ARHGEF28: variants seen among roughly 807,000 people sequenced by gnomAD.
ARHGEF28 encodes 190 kDa guanine nucleotide exchange factor.
ARHGEF28 carries 152 observed loss-of-function variants against 206.6 expected under a neutral mutation model. The ratio of observed to expected loss-of-function variants is 0.74; its 90% CI spans 0.64 to 0.84. The LOEUF (loss-of-function observed/expected upper bound fraction) is 0.84. Ranked by LOEUF, ARHGEF28 falls within the 40% of genes least tolerant of loss-of-function variation. The probability of loss-of-function intolerance (pLI) is 0.00; values close to 1 mark genes in which losing one functional copy is unlikely to be tolerated. For synonymous variants in ARHGEF28, 763 were observed against 776.4 expected, an observed-to-expected ratio of 0.98 and a Z score of 0.29; for missense variants, 2,028 against 2,073.2, an observed-to-expected ratio of 0.98 and a Z score of 0.42.
At chr5:73,682,502 C>T (rs1333790920) in intron 1 of ARHGEF28, among the ~76,000 whole-genome samples, 1 of 151,892 alleles carries the variant, frequency 6.6e-6, no homozygotes, top group Non-Finnish European at 1.5e-5. Context: ...ATTGCAACCC[C>T]TGCCTCCTGG....
Position 73,840,481 on chromosome 5 carries a change from T to G in ARHGEF28, c.1148T>G (p.Val383Gly). 6.2e-7 allele frequency: 1 copy of G among 1,610,188 alleles called. No individual in the cohort carries two copies. Among genetic ancestry groups the G allele is most frequent in the Non-Finnish European group, 8.5e-7 (1 of 1,177,206 alleles). The part of the protein sequence containing the change: ...VYANCMVIDQ[V>G]GDLDISYINI... ...AAATGTTTTTCTTTCAACTTCCAGG[T>G]TGGTGATTTGGATATCAGCTATATT... is the stretch of plus-strand genomic sequence containing the variant. The change falls in exon 11 of 36, where the codon GTT becomes GGT. Residue 383 changes from valine to glycine, a missense_variant and splice_region_variant. By Grantham distance (109) the Val-to-Gly change is moderately radical. Coordinates refer to ENST00000513042, the MANE Select transcript of ARHGEF28 (RefSeq NM_001177693.2).
At chr5:73,724,061 G>A (rs556769208) in intron 2 of ARHGEF28, among the ~76,000 whole-genome samples, 3 of 152,210 alleles carry the variant, frequency 2.0e-5, no homozygotes, top group Non-Finnish European at 4.4e-5. Flanking sequence ...TCCCAGGCAG[G>A]CCTGAGCATC....
intron 1 of ARHGEF28, among the ~76,000 whole-genome samples, chr5:73,671,151 T>A (rs1042863369): frequency 2.6e-5 from 4 of 152,236 alleles, no homozygotes; most frequent in African/African-American, 4.8e-5. Flanking sequence ...ACTCATGGCT[T>A]AATTAATGTT....
At chr5:73,650,293 T>G (rs915485159) in intron 1 of ARHGEF28, among the ~76,000 whole-genome samples, 2 of 146,614 alleles carry the variant, frequency 1.4e-5, no homozygotes, top group African/African-American at 5.0e-5. Flanking sequence ...TTTTTTTTTT[T>G]TTTTTTTTTT....
At chr5:73,647,204 G>A (rs1744488266) in intron 1 of ARHGEF28, among the ~76,000 whole-genome samples, 1 of 152,106 alleles carries the variant, frequency 6.6e-6, no homozygotes, top group Non-Finnish European at 1.5e-5. Context: ...TTAATTTTAT[G>A]TATAAAATTA....
chr5:73,819,039 T>C (rs1446629862), intron 9 of ARHGEF28, among the ~76,000 whole-genome samples: 1 of 152,176 alleles, frequency 6.6e-6, no homozygotes, highest in Non-Finnish European at 1.5e-5. Flanking sequence ...GGGGGTATCA[T>C]AAAAAGAATG....
chr5:73,751,376 C>T (rs1359505256), intron 3 of ARHGEF28, among the ~76,000 whole-genome samples: 1 of 152,198 alleles, frequency 6.6e-6, no homozygotes, highest in Non-Finnish European at 1.5e-5. Context: ...TGTCACTGCA[C>T]TCCAGCCTGG....
chr5:73,894,034 A>G (rs927777946), intron 28 of ARHGEF28, among the ~76,000 whole-genome samples: 11 of 152,252 alleles, frequency 7.2e-5, no homozygotes, highest in African/African-American at 2.4e-4. Flanking sequence ...TTGTTCACTC[A>G]TCATGGACAG....
chr5:73,751,901 A>G (rs1029136898), intron 3 of ARHGEF28, among the ~76,000 whole-genome samples: 3 of 152,090 alleles, frequency 2.0e-5, no homozygotes, highest in African/African-American at 4.8e-5. Context: ...TGCCCGTACC[A>G]TGAGACCACT....
At chr5:73,711,466 G>A (rs942499450) in intron 2 of ARHGEF28, among the ~76,000 whole-genome samples, 2 of 152,046 alleles carry the variant, frequency 1.3e-5, no homozygotes, top group African/African-American at 4.8e-5. Context: ...AACATTGTAT[G>A]TTCTCCATTA....
At position 73,677,896 on chromosome 5, in the gene ARHGEF28, TGAA is replaced by T. The variant is rs576036691; in HGVS notation, c.-11-6941_-11-6939del. Among the ~76,000 whole-genome samples the T allele has an allele frequency of 2.8e-4, 42 of 152,362 alleles. 1 individual carries two copies. In the South Asian group the frequency reaches 8.1e-3, roughly 29 times the overall value. The stretch of plus-strand genomic sequence containing the variant: ...CTATGAAAAACTTGGTAATTGCAGA[TGAA>T]GAACTCAAACTTTCACAGATAGAAT... On this transcript the variant is annotated intron_variant, in intron 1 of 35. Transcript: ENST00000513042.
chr5:73,850,848 G>A (rs1225403591), intron 13 of ARHGEF28, among the ~76,000 whole-genome samples: 1 of 151,998 alleles, frequency 6.6e-6, no homozygotes, highest in Non-Finnish European at 1.5e-5. Flanking sequence ...ATCTTTAGAC[G>A]GTATATTTAA....
chr5:73,801,074 T>A, intron 9 of ARHGEF28, among the ~76,000 whole-genome samples: 1 of 152,148 alleles, frequency 6.6e-6, no homozygotes, highest in South Asian at 2.1e-4. Flanking sequence ...TAACCAAAAG[T>A]TCTTATATTA....
chr5:73,870,187 C>G lies in ARHGEF28; in HGVS notation c.2544C>G (p.Ile848Met), dbSNP rs1181014409. The G allele has an allele frequency of 6.2e-7, 1 of 1,613,706 alleles. No homozygotes were observed. ...GTAATAGGCAGGAGAAGGATGTCAT[C>G]AAAAGACAGGATGTCATTTTTGGTA... ...SFCNRQEKDV[I>M]KRQDVIFELM... Residue 848 changes from isoleucine to methionine, a missense_variant, in exon 21 of 36, where the codon ATC becomes ATG. Physicochemically the swap from Ile to Met is conservative, Grantham distance 10 (BLOSUM62 1). Around this residue, in one of 3 missense-constraint regions of ARHGEF28, gnomAD observed 223 missense variants for 289.9 expected, o/e 0.77. Transcript: ENST00000513042.
chr5:73,799,661 G>A lies in ARHGEF28; in HGVS notation c.1024+4270G>A, dbSNP rs941477023. On this transcript the variant is annotated intron_variant, in intron 9 of 35. Coordinates refer to ENST00000513042, the MANE Select transcript of ARHGEF28 (RefSeq NM_001177693.2). Reference sequence around the variant, plus strand: ...GTCTGCATTAGATTAAAGAGGACATGAAATTTATTTGGCCAAAGCTGAATA... The same window carrying A: ...GTCTGCATTAGATTAAAGAGGACATAAAATTTATTTGGCCAAAGCTGAATA... Among the ~76,000 whole-genome samples, 7 of 152,324 alleles carry A rather than the reference G, an allele frequency of 4.6e-5. No homozygotes were observed. In the East Asian group the frequency reaches 9.6e-4, roughly 21 times the overall value.
intron 23 of ARHGEF28, among the ~76,000 whole-genome samples, chr5:73,883,456 G>A (rs1265761891): frequency 6.6e-6 from 1 of 152,136 alleles, no homozygotes; most frequent in Admixed American, 6.5e-5. Flanking sequence ...AGTTGACTTT[G>A]ATTTATGATT....
chr5:73,735,241 A>G (rs1750851567), intron 2 of ARHGEF28, among the ~76,000 whole-genome samples: 1 of 151,282 alleles, frequency 6.6e-6, no homozygotes, highest in East Asian at 1.9e-4. Context: ...ATTAAATTAA[A>G]ATTAATTAAA....
chr5:73,901,370 G>A (rs941007490), intron 31 of ARHGEF28, 86 bp downstream of exon 31: 7 of 1,075,358 alleles, frequency 6.5e-6, no homozygotes, highest in Middle Eastern at 2.0e-4. Context: ...ACGGCAGTCA[G>A]TGGGGCAAAG....
chr5:73,729,417 AG>A, intron 2 of ARHGEF28, among the ~76,000 whole-genome samples: 1 of 152,092 alleles, frequency 6.6e-6, no homozygotes, highest in East Asian at 1.9e-4. Context: ...ATGCTGCCTT[AG>A]GGGGAGCTGC....
Sources: allele counts gnomAD v4.1 joint callset (sites outside exome capture counted in the v4.1 genomes callset), GRCh38; gene constraint gnomAD v4.1.1; regional missense constraint gnomAD v4.1.1; transcripts MANE v1.5; gene names NCBI Gene and HGNC (gene_info 2026-07-23, HGNC 2026-07-21).